KIR2DL4: variants seen among roughly 807,000 people sequenced by gnomAD.
KIR2DL4 encodes the protein killer cell immunoglobulin like receptor, two Ig domains and long cytoplasmic tail 4.
KIR2DL4 carries 41 observed loss-of-function variants against 31.0 expected under a neutral mutation model. That is an observed-to-expected ratio of 1.32 (90% CI 1.03 to 1.72). The LOEUF (loss-of-function observed/expected upper bound fraction) is 1.72, where lower values mean the gene tolerates loss of function less well. Ranked by LOEUF, KIR2DL4 falls within the 40% of genes most tolerant of loss-of-function variation. The pLI is 0.00. For missense variants in KIR2DL4, 438 were observed against 353.7 expected (o/e 1.24, Z -1.91); for synonymous variants, 164 against 133.6 (o/e 1.23, Z -1.57).
exon 4 of KIR2DL4, chr19:54,806,021 G>T (rs747023164): frequency 3.1e-6 from 5 of 1,611,090 alleles, no homozygotes; most frequent in Non-Finnish European, 4.2e-6. Context: ...ACGTGACCTT[G>T]TCCTGCAGCT....
Position 54,811,869 on chromosome 19 carries a change from C to T in KIR2DL4, c.707-1256C>T, listed in dbSNP as rs537197391. ...GGGGGTGGTCTTTCCCCCAGACTCT[C>T]GGGTGGAACAGCAGCCTAATATCTG... On this transcript the variant is annotated intron_variant, in intron 5 of 7. Transcript: ENST00000359085. Among the ~76,000 whole-genome samples, 106 of 151,332 alleles carry T rather than the reference C, an allele frequency of 7.0e-4. 2 individuals are homozygous for T. The highest frequency in any genetic ancestry group is 2.2e-3 in the African/African-American group (92 of 41,014).
At chr19:54,809,242 T>C (rs1157341179) in intron 5 of KIR2DL4, among the ~76,000 whole-genome samples, 1 of 150,178 alleles carries the variant, frequency 6.7e-6, no homozygotes. Flanking sequence ...GGTGTATTTG[T>C]AGAGAAGTTC....
Position 54,813,249 on chromosome 19 carries a change from G to T in KIR2DL4, c.810+21G>T. ...AAAAAGTAAGCCTCACGAAGCAGAG[G>T]CCAGAGAACTCAGGGCCCTGTGCGG... is the stretch of plus-strand genomic sequence containing the variant. On this transcript the variant is annotated intron_variant, in intron 6 of 7. Coordinates refer to ENST00000359085, the Ensembl canonical transcript of KIR2DL4. 2 of 1,597,112 alleles carry T rather than the reference G, an allele frequency of 1.3e-6. 1 individual carries two copies. The highest frequency in any genetic ancestry group is 2.2e-5 in the South Asian group (2 of 88,892).
chr19:54,811,556 C>A (rs2060870524), intron 5 of KIR2DL4, among the ~76,000 whole-genome samples: 1 of 151,004 alleles, frequency 6.6e-6, no homozygotes, highest in East Asian at 1.9e-4. Context: ...CCTTATTTGG[C>A]TTTCTGTGAG....
At chr19:54,810,142 A>G (rs604999) in intron 5 of KIR2DL4, among the ~76,000 whole-genome samples, 130,512 of 148,220 alleles carry the variant, frequency 0.88, 57,885 homozygotes, top group East Asian at 0.99. Context: ...TTTATGAGAC[A>G]GTGTCTCCCT....
intron 5 of KIR2DL4, among the ~76,000 whole-genome samples, chr19:54,811,751 G>A (rs1300147424): frequency 1.3e-5 from 2 of 151,242 alleles, no homozygotes; most frequent in African/African-American, 4.9e-5. Flanking sequence ...AGTTCAGATC[G>A]TAGACTCAGA....
intron 5 of KIR2DL4, among the ~76,000 whole-genome samples, chr19:54,810,023 T>C (rs1232782847): frequency 2.0e-5 from 3 of 149,720 alleles, no homozygotes; most frequent in African/African-American, 7.5e-5. Flanking sequence ...GACACTGATA[T>C]TGCAAAGGAT....
At chr19:54,811,406 A>C (rs1250875440) in intron 5 of KIR2DL4, among the ~76,000 whole-genome samples, 1 of 151,380 alleles carries the variant, frequency 6.6e-6, no homozygotes, top group Non-Finnish European at 1.5e-5. Context: ...GCAAAAAATA[A>C]AAATAAAGAA....
At chr19:54,813,693 C>G in exon 7 of KIR2DL4, 1 of 1,611,984 alleles carries the variant, frequency 6.2e-7, no homozygotes, top group Non-Finnish European at 8.5e-7. Flanking sequence ...CCTACAGATG[C>G]TGCTGTAATG....
chr19:54,814,454 C>G, exon 8 of KIR2DL4: 1 of 320,744 alleles, frequency 3.1e-6, no homozygotes, highest in Non-Finnish European at 5.7e-6. Context: ...CATCAGCAAA[C>G]CTTATAAAAT....
chr19:54,809,001 C>A, intron 5 of KIR2DL4, 118 bp downstream of exon 5: 1 of 852,080 alleles, frequency 1.2e-6, no homozygotes, highest in Non-Finnish European at 2.0e-6. Flanking sequence ...CTTCCATTGT[C>A]TCTGAACCCC....
chr19:54,808,579 C>G (rs1371768611), intron 4 of KIR2DL4, among the ~76,000 whole-genome samples: 3 of 150,204 alleles, frequency 2.0e-5, no homozygotes, highest in African/African-American at 7.5e-5. Context: ...ATGCCAATGT[C>G]ATGTTGTTTT....
intron 5 of KIR2DL4, among the ~76,000 whole-genome samples, chr19:54,811,167 G>T (rs1708938257): frequency 6.6e-6 from 1 of 151,190 alleles, no homozygotes; most frequent in Non-Finnish European, 1.5e-5. Context: ...GGAGGCTGAG[G>T]AGGCTGGATC....
At chr19:54,811,971 C>G (rs2060890511) in intron 5 of KIR2DL4, among the ~76,000 whole-genome samples, 1 of 151,354 alleles carries the variant, frequency 6.6e-6, no homozygotes, top group African/African-American at 2.4e-5. Context: ...TAAGACAGCT[C>G]AACCTCACTT....
intron 5 of KIR2DL4, among the ~76,000 whole-genome samples, chr19:54,810,059 C>A (rs1194827832): frequency 6.7e-6 from 1 of 149,678 alleles, no homozygotes; most frequent in Non-Finnish European, 1.5e-5. Flanking sequence ...AAAATGAATG[C>A]ACCAGTGGAC....
Position 54,814,030 on chromosome 19 carries a change from C to A in KIR2DL4, c.*230C>A. On this transcript the variant is annotated 3_prime_UTR_variant, in exon 8 of 8. Coordinates refer to ENST00000359085, the Ensembl canonical transcript of KIR2DL4. ...CTGCCCATGAGCACCACAGTCAGGC[C>A]TTGATGGGATCTTCTAGGGAGACAA... is the stretch of plus-strand genomic sequence containing the variant. The A allele has an allele frequency of 3.7e-6, 6 of 1,612,328 alleles. 1 individual carries two copies. In the South Asian group the frequency reaches 6.6e-5, roughly 18 times the overall value.
intron 2 of KIR2DL4, among the ~76,000 whole-genome samples, chr19:54,804,414 G>A (rs903886748): frequency 5.3e-5 from 8 of 151,370 alleles, no homozygotes; most frequent in Admixed American, 1.3e-4. Context: ...GAAGAGGTGG[G>A]GGAACCACAG....
At chr19:54,806,066 G>A in exon 4 of KIR2DL4, 1 of 1,611,948 alleles carries the variant, frequency 6.2e-7, no homozygotes, top group Non-Finnish European at 8.5e-7. Flanking sequence ...ATCTATCCAG[G>A]GAGGGGGAAG....
intron 3 of KIR2DL4, 64 bp from the exon 4 acceptor site, chr19:54,805,887 C>T: frequency 1.0e-5 from 15 of 1,434,704 alleles, no homozygotes; most frequent in South Asian, 1.3e-5. Context: ...GTTCTCAGCT[C>T]AGGTGGGAGG....
Sources: gnomAD v4.1 joint callset for allele counts (sites outside exome capture counted in the v4.1 genomes callset) on GRCh38, gnomAD v4.1.1 for gene constraint, MANE v1.5 for transcripts, NCBI Gene and HGNC (gene_info 2026-07-23, HGNC 2026-07-21) for gene names.